PABPC3: variants seen among roughly 807,000 people sequenced by gnomAD.
PABPC3 encodes polyadenylate-binding protein 3.
Under a neutral mutation model 43.0 loss-of-function variants are expected in PABPC3, and 43 were observed. The observed-to-expected ratio is 1.00, with a 90% CI of 0.78 to 1.29. The LOEUF (loss-of-function observed/expected upper bound fraction) is 1.29. PABPC3 is among the 50% of genes most tolerant of loss of function. The pLI is 0.00. For synonymous variants in PABPC3, 221 were observed against 274.6 expected, an observed-to-expected ratio of 0.80 and a Z score of 1.93; for missense variants, 784 against 798.1, an observed-to-expected ratio of 0.98 and a Z score of 0.21.
rs1443081440 is a variant in PABPC3, at chr13:25,097,190, G to T, written c.992G>T (p.Arg331Leu). 2.5e-6 allele frequency: 4 copies of T among 1,614,088 alleles called. No homozygotes were observed. The highest frequency in any genetic ancestry group is 3.4e-6 in the Non-Finnish European group (4 of 1,180,036). ...TSAKVMMEGGRSKGFGFVCFS... is the reference protein window; with the variant it reads ...TSAKVMMEGGLSKGFGFVCFS... ...GCAAAGGTTATGATGGAAGGTGGTC[G>T]CAGCAAAGGGTTTGGTTTTGTATGT... The change falls in exon 1 of 1, where the codon CGC becomes CTC. Residue 331 changes from arginine to leucine, a missense_variant. By Grantham distance (102) the Arg-to-Leu change is moderately radical. Coordinates refer to ENST00000281589, the MANE Select transcript of PABPC3 (RefSeq NM_030979.3).
In PABPC3 at chr13:25,096,383, C is replaced by T. The variant is rs374246080; in HGVS notation, c.185C>T (p.Thr62Met). ...SNYAYVNFQHTKDAEHALDTM... is the reference protein window; with the variant it reads ...SNYAYVNFQHMKDAEHALDTM... ...TACGCGTATGTGAACTTCCAGCATA[C>T]GAAGGACGCGGAGCATGCTCTGGAC... Residue 62 changes from threonine to methionine, a missense_variant, in exon 1 of 1, where the codon ACG becomes ATG. Thr to Met is a moderately conservative substitution (Grantham distance 81). Transcript: ENST00000281589. The T allele has an allele frequency of 6.2e-6, 10 of 1,614,056 alleles. No individual in the cohort carries two copies. The Admixed American group carries it at 1.2e-4, about 19-fold the overall frequency.
In PABPC3 at chr13:25,096,765, G is replaced by A. The variant is rs760799166; in HGVS notation, c.567G>A (p.Glu189=). Reference sequence around the variant, plus strand: ...CTGAACTTGGAGCTAGGGCAAAAGAGTTCCCCAATGTTTACATCAAGAATT... The same window carrying A: ...CTGAACTTGGAGCTAGGGCAAAAGAATTCCCCAATGTTTACATCAAGAATT... ...REAELGARAK[E]FPNVYIKNFG... is the part of the protein sequence containing the mutation. The change falls in exon 1 of 1, where the codon GAG becomes GAA. Residue 189 remains glutamate (E), a synonymous_variant. Coordinates refer to ENST00000281589, the MANE Select transcript of PABPC3 (RefSeq NM_030979.3). The A allele has an allele frequency of 1.5e-5, 25 of 1,614,102 alleles. No individual in the cohort carries two copies. In the South Asian group the frequency reaches 2.6e-4, roughly 17 times the overall value.
Position 25,097,700 on chromosome 13 carries a change from G to T in PABPC3, c.1502G>T (p.Arg501Leu), listed in dbSNP as rs769964946. ...GCTGCTGCAGCTACCCCTGCTGTGCGCACGGTTCCACGGTATAAATATGCT... is the reference window on the plus strand; with the variant it reads ...GCTGCTGCAGCTACCCCTGCTGTGCTCACGGTTCCACGGTATAAATATGCT... ...AAAAAATPAVRTVPRYKYAAG... is the reference protein window; with the variant it reads ...AAAAAATPAVLTVPRYKYAAG... Residue 501 changes from arginine (R) to leucine (L), a missense_variant, in exon 1 of 1, where the codon CGC (arginine) becomes CTC (leucine). Physicochemically the swap from Arg to Leu is moderately radical, Grantham distance 102. Coordinates refer to ENST00000281589, the MANE Select transcript of PABPC3 (RefSeq NM_030979.3). The T allele has an allele frequency of 3.1e-6, 5 of 1,610,388 alleles. No individual in the cohort carries two copies. The highest frequency in any genetic ancestry group is 1.7e-5 in the Admixed American group (1 of 59,680).
Position 25,098,117 on chromosome 13 carries a change from G to T in PABPC3, c.*23G>T. 5 of 1,593,826 alleles carry T rather than the reference G, an allele frequency of 3.1e-6. No homozygotes were observed. The highest frequency in any genetic ancestry group is 3.4e-6 in the Non-Finnish European group (4 of 1,166,160). On this transcript the variant is annotated 3_prime_UTR_variant, in exon 1 of 1. Coordinates refer to ENST00000281589, the MANE Select transcript of PABPC3 (RefSeq NM_030979.3). ...TAAAATTGATCAGAGACCACGAAAAGAAATTTGTGCTTCACCGAAGAAAAA... is the reference window on the plus strand; with the variant it reads ...TAAAATTGATCAGAGACCACGAAAATAAATTTGTGCTTCACCGAAGAAAAA...
At position 25,098,003 on chromosome 13, in the gene PABPC3, T is replaced by C. The variant is rs199698617; in HGVS notation, c.1805T>C (p.Val602Ala). The C allele has an allele frequency of 1.4e-4, 228 of 1,613,776 alleles. No individual in the cohort carries two copies. Among genetic ancestry groups the C allele is most frequent in the Non-Finnish European group, 9.7e-5 (114 of 1,179,884 alleles). ...TCTCCAGAGTCACTCCGTTCTAAGG[T>C]TGATGAAGCTGTAGCTGTACTACAA... ...LESPESLRSKVDEAVAVLQAH... is the reference protein window; with the variant it reads ...LESPESLRSKADEAVAVLQAH... Residue 602 changes from valine to alanine, a missense_variant, in exon 1 of 1, where the codon GTT (valine) becomes GCT (alanine). Physicochemically the swap from Val to Ala is moderately conservative, Grantham distance 64. Coordinates refer to ENST00000281589, the MANE Select transcript of PABPC3 (RefSeq NM_030979.3).
At position 25,096,568 on chromosome 13, in the gene PABPC3, A is replaced by C. The variant is rs747262485; in HGVS notation, c.370A>C (p.Asn124His). 21 of 1,614,162 alleles carry C rather than the reference A, an allele frequency of 1.3e-5. No individual in the cohort carries two copies. The East Asian group carries it at 4.7e-4, about 36-fold the overall frequency. The stretch of plus-strand genomic sequence containing the variant: ...GTATGATACAGTTTCTGCTTTTGGT[A>C]ACATCCTTTCGTGTAACGTGGTTTG... ...ALYDTVSAFG[N>H]ILSCNVVCDE... Residue 124 changes from asparagine to histidine, a missense_variant, in exon 1 of 1, where the codon AAC becomes CAC. Transcript: ENST00000281589.
chr13:25,097,252 G>C lies in PABPC3; in HGVS notation c.1054G>C (p.Glu352Gln). ...AGAAGAAGCCACTAAAGCAGTTACAGAAATGAACGGTAGAATTGTGGCCAC... is the reference window on the plus strand; with the variant it reads ...AGAAGAAGCCACTAAAGCAGTTACACAAATGAACGGTAGAATTGTGGCCAC... ...SPEEATKAVT[E>Q]MNGRIVATKP... is the part of the protein sequence containing the mutation. The change falls in exon 1 of 1, where the codon GAA (glutamate) becomes CAA (glutamine). Residue 352 changes from glutamate (E) to glutamine (Q), a missense_variant. Physicochemically the swap from Glu to Gln is conservative, Grantham distance 29. Transcript: ENST00000281589. 2 of 1,614,298 alleles carry C rather than the reference G, an allele frequency of 1.2e-6. No homozygotes were observed. Among genetic ancestry groups the C allele is most frequent in the Non-Finnish European group, 1.7e-6 (2 of 1,180,054 alleles).
In PABPC3 at chr13:25,098,045, A is replaced by G. The variant is rs1411997385; in HGVS notation, c.1847A>G (p.Glu616Gly). 1 of 1,614,034 alleles carries G rather than the reference A, an allele frequency of 6.2e-7. No individual in the cohort carries two copies. Among genetic ancestry groups the G allele is most frequent in the African/African-American group, 1.3e-5 (1 of 75,066 alleles). ...VAVLQAHQAK[E>G]ATQKAVNSAT... ...GTACTACAAGCCCACCAAGCTAAAG[A>G]GGCTACCCAGAAAGCAGTTAACAGT... The change falls in exon 1 of 1, where the codon GAG (glutamate) becomes GGG (glycine). Residue 616 changes from glutamate to glycine, a missense_variant. Coordinates refer to ENST00000281589, the MANE Select transcript of PABPC3 (RefSeq NM_030979.3).
rs1956064846 is a variant in PABPC3 at position 25,098,885 on chromosome 13, T to A, written c.*791T>A. The A allele has an allele frequency of 6.0e-6, 1 of 166,880 alleles. No individual in the cohort carries two copies. The highest frequency in any genetic ancestry group is 2.1e-4 in the South Asian group (1 of 4,830). 10.3% of individuals were successfully genotyped at this position (166,880 alleles called of 1,614,324 possible). ...GTTCTGATCACAGAGATAATCACTT[T>A]TAATCATTTGGTTTTAGTGTTTCTG... is the stretch of plus-strand genomic sequence containing the variant. On this transcript the variant is annotated 3_prime_UTR_variant, in exon 1 of 1. Transcript: ENST00000281589.
Position 25,098,243 on chromosome 13 carries a change from G to C in PABPC3, c.*149G>C. The C allele has an allele frequency of 1.4e-6, 1 of 695,206 alleles. No homozygotes were observed. The highest frequency in any genetic ancestry group is 2.4e-6 in the Non-Finnish European group (1 of 408,868). 43.1% of individuals were successfully genotyped at this position (695,206 alleles called of 1,614,324 possible). A position where few individuals can be genotyped will look rare whatever the true frequency, so the allele number is the denominator to read the frequency against. On this transcript the variant is annotated 3_prime_UTR_variant, in exon 1 of 1. Coordinates refer to ENST00000281589, the MANE Select transcript of PABPC3 (RefSeq NM_030979.3). ...ATGGAAAGGAAACTTTGAACCTTAT[G>C]TACCGAGCAAATGCAAGGTCTAGCA... is the stretch of plus-strand genomic sequence containing the variant.
chr13:25,096,859 A>G lies in PABPC3; in HGVS notation c.661A>G (p.Lys221Glu). The change falls in exon 1 of 1, where the codon AAA becomes GAA. Residue 221 changes from lysine to glutamate, a missense_variant. Transcript: ENST00000281589. ...CAAGTTCGGGCCCGCCTTAAGTGTG[A>G]AAGTAATGACCGATGAAAGTGGAAA... The part of the protein sequence containing the change: ...FGKFGPALSV[K>E]VMTDESGKSK... 6.2e-7 allele frequency: 1 copy of G among 1,614,294 alleles called. No homozygotes were observed. The highest frequency in any genetic ancestry group is 1.1e-5 in the South Asian group (1 of 91,090).
At position 25,098,623 on chromosome 13, in the gene PABPC3, A is replaced by G. The variant is rs544549794; in HGVS notation, c.*529A>G. On this transcript the variant is annotated 3_prime_UTR_variant, in exon 1 of 1. Transcript: ENST00000281589. The stretch of plus-strand genomic sequence containing the variant: ...CTTTCTTTACATTTTCTATTATTCT[A>G]TCTCCCACTATATTTCAAATATGAA... 20 of 166,968 alleles carry G rather than the reference A, an allele frequency of 1.2e-4. No individual in the cohort carries two copies. Among genetic ancestry groups the G allele is most frequent in the African/African-American group, 4.3e-4 (18 of 41,386 alleles). The allele number at this position is 166,968 out of a possible 1,614,324, so 10.3% of individuals were successfully genotyped here. A position where few individuals can be genotyped will look rare whatever the true frequency, so the allele number is the denominator to read the frequency against.
Position 25,098,273 on chromosome 13 carries a change from T to C in PABPC3, c.*179T>C, listed in dbSNP as rs186673299. 1.1e-3 allele frequency: 620 copies of C among 589,832 alleles called. 16 individuals are homozygous for C. In the East Asian group the frequency reaches 0.012, roughly 11 times the overall value. 36.5% of individuals were successfully genotyped at this position (589,832 alleles called of 1,614,324 possible). ...GAGCAAATGCAAGGTCTAGCAAATA[T>C]AATGCTAGTCCTAGATTACTTATTG... is the stretch of plus-strand genomic sequence containing the variant. On this transcript the variant is annotated 3_prime_UTR_variant, in exon 1 of 1. Transcript: ENST00000281589.
Position 25,097,970 on chromosome 13 carries a change from T to C in PABPC3, c.1772T>C (p.Met591Thr). 7.4e-6 allele frequency: 12 copies of C among 1,613,998 alleles called. No individual in the cohort carries two copies. The highest frequency in any genetic ancestry group is 9.3e-6 in the Non-Finnish European group (11 of 1,179,866). The change falls in exon 1 of 1, where the codon ATG (methionine) becomes ACG (threonine). Residue 591 changes from methionine to threonine, a missense_variant. Physicochemically the swap from Met to Thr is moderately conservative, Grantham distance 81. Coordinates refer to ENST00000281589, the MANE Select transcript of PABPC3 (RefSeq NM_030979.3). Reference sequence around the variant, plus strand: ...ATTGATAATTCAGAACTTCTTTATATGCTCGAGTCTCCAGAGTCACTCCGT... The same window carrying C: ...ATTGATAATTCAGAACTTCTTTATACGCTCGAGTCTCCAGAGTCACTCCGT... Reference protein sequence around the residue: ...LEIDNSELLYMLESPESLRSK... With the variant: ...LEIDNSELLYTLESPESLRSK...
rs149251816 is a variant in PABPC3 at position 25,096,446 on chromosome 13, G to T, written c.248G>T (p.Arg83Leu). Residue 83 changes from arginine (R) to leucine (L), a missense_variant, in exon 1 of 1, where the codon CGC becomes CTC. Arg to Leu is a moderately radical substitution (Grantham distance 102). Transcript: ENST00000281589. ...GATGTTATAAAGGGCAAGCCAGTACGCATCATGTGGTCTCAGCGTGATCCA... is the reference window on the plus strand; with the variant it reads ...GATGTTATAAAGGGCAAGCCAGTACTCATCATGTGGTCTCAGCGTGATCCA... The part of the protein sequence containing the change: ...NFDVIKGKPV[R>L]IMWSQRDPSL... The T allele has an allele frequency of 5.6e-6, 9 of 1,614,228 alleles. No homozygotes were observed. The highest frequency in any genetic ancestry group is 1.1e-5 in the South Asian group (1 of 91,088).
Position 25,098,440 on chromosome 13 carries a change from T to C in PABPC3, c.*346T>C, listed in dbSNP as rs1177761864. 4.4e-6 allele frequency: 1 copy of C among 229,426 alleles called. No individual in the cohort carries two copies. The highest frequency in any genetic ancestry group is 2.4e-5 in the African/African-American group (1 of 42,252). The allele number at this position is 229,426 out of a possible 1,614,324, so 14.2% of individuals were successfully genotyped here. ...AATTTAAAGCATTCCTTTAATTTTT[T>C]AATTCTTTACTGTGGAATAGCTCAA... On this transcript the variant is annotated 3_prime_UTR_variant, in exon 1 of 1. Coordinates refer to ENST00000281589, the MANE Select transcript of PABPC3 (RefSeq NM_030979.3).
chr13:25,099,249 TAG>T (rs1956066660), exon 1 of PABPC3: 1 of 165,668 alleles, frequency 6.0e-6, no homozygotes, highest in Non-Finnish European at 1.5e-5. Flanking sequence ...CTATGTATTA[TAG>T]AGAGATGGTC....
Position 25,097,639 on chromosome 13 carries a change from A to T in PABPC3, c.1441A>T (p.Thr481Ser), listed in dbSNP as rs1956051688. The T allele has an allele frequency of 6.2e-7, 1 of 1,614,024 alleles. No homozygotes were observed. The highest frequency in any genetic ancestry group is 1.1e-5 in the South Asian group (1 of 91,088). ...MSTQRVANTS[T>S]QTVGPRPAAA... ...AACGCAGCGTGTTGCTAACACATCA[A>T]CACAGACAGTGGGTCCACGTCCTGC... Residue 481 changes from threonine to serine, a missense_variant, in exon 1 of 1, where the codon ACA becomes TCA. Coordinates refer to ENST00000281589, the MANE Select transcript of PABPC3 (RefSeq NM_030979.3).
Position 25,098,176 on chromosome 13 carries a change from TTGCAAAATCTAAAATAAAAAA to T in PABPC3, c.*106_*126del, listed in dbSNP as rs559348782. ...CATCGAGAAACTATGGGAAAAAAAATTGCAAAATCTAAAATAAAAAATGCAAAATCTAAAATAAAAAATGGA... is the reference window on the plus strand; with the variant it reads ...CATCGAGAAACTATGGGAAAAAAAATTGCAAAATCTAAAATAAAAAATGGA... On this transcript the variant is annotated 3_prime_UTR_variant, in exon 1 of 1. Coordinates refer to ENST00000281589, the MANE Select transcript of PABPC3 (RefSeq NM_030979.3). 142 of 1,310,496 alleles carry T rather than the reference TTGCAAAATCTAAAATAAAAAA, an allele frequency of 1.1e-4. No homozygotes were observed. In the African/African-American group the frequency reaches 1.6e-3, roughly 15 times the overall value. 81.2% of individuals were successfully genotyped at this position (1,310,496 alleles called of 1,614,324 possible).
Sources: allele counts gnomAD v4.1 joint callset, GRCh38; gene constraint gnomAD v4.1.1; transcripts MANE v1.5; gene names NCBI Gene and HGNC (gene_info 2026-07-23, HGNC 2026-07-21).